The following CCDC81 variants were observed in gnomAD, a reference collection of about 807,000 sequenced individuals.
The protein encoded by CCDC81 is coiled-coil domain-containing protein 81.
Under a neutral mutation model 83.7 loss-of-function variants are expected in CCDC81, and 79 were observed. The observed-to-expected ratio is 0.94, with a 90% CI of 0.79 to 1.14. The LOEUF (loss-of-function observed/expected upper bound fraction) is 1.14, where lower values mean the gene tolerates loss of function less well. Among genes scored for constraint, CCDC81 ranks in the 50% most tolerant of loss-of-function variants. The pLI is 0.00. For missense variants in CCDC81, 791 were observed against 778.1 expected (o/e 1.02, Z -0.20); for synonymous variants, 252 against 278.1 (o/e 0.91, Z 0.93).
chr11:86,382,995 A>G (rs920844196), intron 1 of CCDC81, among the ~76,000 whole-genome samples: 2 of 152,236 alleles, frequency 1.3e-5, no homozygotes, highest in African/African-American at 2.4e-5. Flanking sequence ...ACCTTTCACA[A>G]ATTATCTATT....
At chr11:86,402,185 A>G (rs1324472320) in intron 7 of CCDC81, among the ~76,000 whole-genome samples, 1 of 151,012 alleles carries the variant, frequency 6.6e-6, no homozygotes, top group Non-Finnish European at 1.5e-5. Context: ...TTTTGTGCTG[A>G]TTACTAAAAC....
intron 6 of CCDC81, among the ~76,000 whole-genome samples, chr11:86,398,064 G>A (rs11234631): frequency 0.69 from 104,447 of 151,828 alleles, 36,027 homozygotes; most frequent in South Asian, 0.72. Context: ...CAAACTCCTG[G>A]CCTGAAGTGA....
Position 86,408,284 on chromosome 11 carries a change from T to A in CCDC81, c.1113+14T>A. 6.3e-7 allele frequency: 1 copy of A among 1,599,550 alleles called. No homozygotes were observed. On this transcript the variant is annotated intron_variant, in intron 9 of 14. Transcript: ENST00000445632. ...TTCAGACACCAGGTAGTCCAACACC[T>A]CGATTAGTCTTTAATATGGGGCAAT...
chr11:86,385,697 C>T (rs538729502), intron 1 of CCDC81, among the ~76,000 whole-genome samples: 14 of 152,200 alleles, frequency 9.2e-5, no homozygotes, highest in African/African-American at 3.4e-4. Flanking sequence ...AATAGACACC[C>T]GATAAACGGT....
At chr11:86,412,358 A>G (rs1011710672) in intron 10 of CCDC81, 29 bp from the exon 11 acceptor site, 2 of 1,526,322 alleles carry the variant, frequency 1.3e-6, no homozygotes, top group Middle Eastern at 1.8e-4. Flanking sequence ...GTACTCTAGC[A>G]TAAATGAATT....
intron 3 of CCDC81, 88 bp downstream of exon 3, chr11:86,387,760 G>A (rs2138502689): frequency 4.4e-6 from 4 of 902,612 alleles, no homozygotes; most frequent in South Asian, 1.8e-5. Flanking sequence ...CAGTGCTGCT[G>A]TCTTACCTTC....
chr11:86,388,625 CA>C (rs1328308043), intron 3 of CCDC81, among the ~76,000 whole-genome samples: 1 of 152,170 alleles, frequency 6.6e-6, no homozygotes, highest in African/African-American at 2.4e-5. Flanking sequence ...CAAATGTCAA[CA>C]AACCATACTT....
chr11:86,401,078 C>G (rs1184611095), intron 7 of CCDC81, among the ~76,000 whole-genome samples: 1 of 152,152 alleles, frequency 6.6e-6, no homozygotes, highest in Non-Finnish European at 1.5e-5. Flanking sequence ...CCAACTTTTT[C>G]TGTAGATTTG....
intron 14 of CCDC81, among the ~76,000 whole-genome samples, chr11:86,421,445 GGCTACAGGC>G (rs1328639735): frequency 1.3e-5 from 2 of 152,062 alleles, no homozygotes; most frequent in African/African-American, 4.8e-5. Context: ...GACTAGCTGG[GGCTACAGGC>G]GCCTGCCACC....
chr11:86,378,555 C>G (rs987159260), intron 1 of CCDC81, among the ~76,000 whole-genome samples: 1 of 152,186 alleles, frequency 6.6e-6, no homozygotes, highest in Non-Finnish European at 1.5e-5. Context: ...CTGTTCATTT[C>G]TGATAGGTGA....
intron 1 of CCDC81, among the ~76,000 whole-genome samples, chr11:86,382,699 A>G (rs1948191690): frequency 6.6e-6 from 1 of 152,068 alleles, no homozygotes; most frequent in South Asian, 2.1e-4. Flanking sequence ...GTGAAAAGAG[A>G]AGCAACCTAG....
chr11:86,378,301 T>G (rs114723702), intron 1 of CCDC81, among the ~76,000 whole-genome samples: 2,677 of 152,294 alleles, frequency 0.018, 77 homozygotes, highest in African/African-American at 0.061. Context: ...TCTTATTCAT[T>G]TCTACTTTAA....
intron 7 of CCDC81, 86 bp downstream of exon 7, chr11:86,400,887 A>G: frequency 7.4e-7 from 1 of 1,346,368 alleles, no homozygotes; most frequent in Non-Finnish European, 1.0e-6. Flanking sequence ...GTAATTGTTC[A>G]TTAATTCATT....
rs763664389 is a variant in CCDC81, at chr11:86,408,137, A to G, written c.980A>G (p.Tyr327Cys). Residue 327 changes from tyrosine to cysteine, a missense_variant, in exon 9 of 15, where the codon TAT becomes TGT. Transcript: ENST00000445632. Reference protein sequence around the residue: ...DHNKAGQEMCYVCLQRAQRNS... With the variant: ...DHNKAGQEMCCVCLQRAQRNS... ...AATTTGGGATTGTAGGAAATGTGCT[A>G]TGTATGTTTGCAACGAGCACAACGA... 5 of 1,611,530 alleles carry G rather than the reference A, an allele frequency of 3.1e-6. No individual in the cohort carries two copies. In the African/African-American group the frequency reaches 4.0e-5, roughly 13 times the overall value.
In CCDC81 at chr11:86,375,161, GA is replaced by G. The variant is rs1273734523; in HGVS notation, c.-2del. ...TCAGTACGGAGTCACCTGGAAATTG[GA>G]GATGTTGGATACGATCGCCCGTGCC... On this transcript the variant is annotated 5_prime_UTR_variant, in exon 1 of 15. Coordinates refer to ENST00000445632, the MANE Select transcript of CCDC81 (RefSeq NM_001156474.2). 6.2e-7 allele frequency: 1 copy of G among 1,613,406 alleles called. No individual in the cohort carries two copies.
Position 86,412,522 on chromosome 11 carries a change from T to C in CCDC81, c.1354T>C (p.Leu452=). 3.1e-6 allele frequency: 5 copies of C among 1,612,672 alleles called. No homozygotes were observed. The highest frequency in any genetic ancestry group is 1.3e-5 in the African/African-American group (1 of 74,852). ...AATAAAGCAAAGACAATACAGAGAG[T>C]TGATGGACCGCCTGGAACAAGTGCA... ...NEIKQRQYRE[L]MDRLEQVQLT... The change falls in exon 11 of 15, where the codon TTG becomes CTG. Residue 452 remains leucine, a synonymous_variant. Coordinates refer to ENST00000445632, the MANE Select transcript of CCDC81 (RefSeq NM_001156474.2).
At chr11:86,387,809 A>C (rs1021987216) in intron 3 of CCDC81, 137 bp downstream of exon 3, 5 of 643,556 alleles carry the variant, frequency 7.8e-6, no homozygotes, top group Non-Finnish European at 1.3e-5. Flanking sequence ...TGCTTTTGGC[A>C]GAGGGAGGGG....
At chr11:86,403,345 C>CT (rs912121827) in intron 7 of CCDC81, among the ~76,000 whole-genome samples, 9 of 151,716 alleles carry the variant, frequency 5.9e-5, no homozygotes, top group African/African-American at 2.2e-4. Flanking sequence ...TTTCCCAATT[C>CT]TTTTTTTTCT....
intron 14 of CCDC81, 142 bp downstream of exon 14, chr11:86,420,195 C>A: frequency 1.1e-6 from 1 of 928,168 alleles, no homozygotes; most frequent in South Asian, 1.9e-5. Context: ...GAAATACTGC[C>A]GTGATTGATT....
Sources: allele counts gnomAD v4.1 joint callset (sites outside exome capture counted in the v4.1 genomes callset), GRCh38; gene constraint gnomAD v4.1.1; transcripts MANE v1.5; gene names NCBI Gene and HGNC (gene_info 2026-07-23, HGNC 2026-07-21).